Variants in PEPD observed in about 807,000 individuals in gnomAD.
The protein encoded by PEPD is peptidase D, also known as xaa-Pro dipeptidase.
Under a neutral mutation model 60.7 loss-of-function variants are expected in PEPD, and 53 were observed. The observed-to-expected ratio is 0.87, with a 90% CI of 0.70 to 1.10. PEPD has a LOEUF of 1.10. Ranked by LOEUF, PEPD falls within the 50% of genes least tolerant of loss-of-function variation. The pLI is 0.00. For synonymous variants in PEPD, 267 were observed against 284.1 expected (o/e 0.94, Z 0.60); for missense variants, 711 against 711.9 (o/e 1.00, Z 0.01).
chr19:33,409,113 A>G (rs1404885107), intron 11 of PEPD, among the ~76,000 whole-genome samples: 1 of 152,268 alleles, frequency 6.6e-6, no homozygotes, highest in African/African-American at 2.4e-5. Flanking sequence ...GGCCGAGGCC[A>G]CAGCATCTGG....
chr19:33,462,597 C>A (rs924225329), intron 9 of PEPD, among the ~76,000 whole-genome samples: 18 of 152,224 alleles, frequency 1.2e-4, no homozygotes, highest in African/African-American at 4.3e-4. Flanking sequence ...GGCCATTTAA[C>A]CATCCCTCAA....
chr19:33,411,117 A>G (rs539531185), intron 11 of PEPD, among the ~76,000 whole-genome samples: 7 of 152,276 alleles, frequency 4.6e-5, no homozygotes, highest in East Asian at 3.9e-4. Flanking sequence ...CGTGGCTTCT[A>G]TGAAGAACTG....
chr19:33,397,565 T>G (rs1968394228), intron 12 of PEPD, among the ~76,000 whole-genome samples: 2 of 150,400 alleles, frequency 1.3e-5, no homozygotes, highest in African/African-American at 2.4e-5. Context: ...ACTCTGCCCT[T>G]GGGGGACACC....
intron 9 of PEPD, among the ~76,000 whole-genome samples, chr19:33,453,317 A>AAAATAAAAAAATAAAT (rs1555762506): frequency 4.0e-5 from 6 of 148,754 alleles, no homozygotes; most frequent in East Asian, 3.9e-4. Context: ...CTGTCATAAA[A>AAAATAAAAAAATAAAT]AAATAAATAA....
At chr19:33,391,529 C>T in intron 12 of PEPD, 50 bp from the exon 13 acceptor site, 1 of 1,489,598 alleles carries the variant, frequency 6.7e-7, no homozygotes, top group South Asian at 1.2e-5. Flanking sequence ...GCAGCCAACA[C>T]CGCAGGGCCA....
At chr19:33,442,266 G>A (rs1350408941) in intron 9 of PEPD, among the ~76,000 whole-genome samples, 2 of 152,154 alleles carry the variant, frequency 1.3e-5, no homozygotes, top group African/African-American at 2.4e-5. Context: ...CGGGCATGGT[G>A]GAGGGTGGGG....
At chr19:33,423,367 C>T (rs889001815) in intron 9 of PEPD, among the ~76,000 whole-genome samples, 31 of 152,234 alleles carry the variant, frequency 2.0e-4, no homozygotes, top group African/African-American at 7.2e-4. Context: ...CACGCATGGC[C>T]TTGTGCCTCT....
chr19:33,428,132 C>A (rs1446493821), intron 9 of PEPD, among the ~76,000 whole-genome samples: 1 of 152,180 alleles, frequency 6.6e-6, no homozygotes, highest in Admixed American at 6.5e-5. Context: ...TGACTTTACT[C>A]GCCAGCCTGC....
chr19:33,457,355 C>A (rs367869840), intron 9 of PEPD, among the ~76,000 whole-genome samples: 6 of 152,094 alleles, frequency 3.9e-5, no homozygotes, highest in African/African-American at 1.4e-4. Flanking sequence ...CACTTGAGCC[C>A]GGGAGGCAGA....
At chr19:33,477,212 CCTT>C (rs774376730) in intron 7 of PEPD, 1 of 152,666 alleles carries the variant, frequency 6.6e-6, no homozygotes, top group Non-Finnish European at 1.5e-5. Flanking sequence ...CTCTCCTACT[CCTT>C]CTTTTTCCAC....
intron 9 of PEPD, among the ~76,000 whole-genome samples, chr19:33,420,235 CTTATGTT>C (rs1968984285): frequency 6.6e-6 from 1 of 151,986 alleles, no homozygotes; most frequent in Admixed American, 6.6e-5. Context: ...CTGTAATATA[CTTATGTT>C]TTATATGTAC....
chr19:33,448,312 G>A lies in PEPD; in HGVS notation c.671+14683C>T, dbSNP rs114449381. On this transcript the variant is annotated intron_variant, in intron 9 of 14. Transcript: ENST00000244137. ...AGATGCGCCCAGGACTTGGAGCCAC[G>A]CCTTCTCACGGGCAGAACCAGACAG... Among the ~76,000 whole-genome samples, 466 of 152,212 alleles carry A rather than the reference G, an allele frequency of 3.1e-3. 2 individuals are homozygous for A. The highest frequency in any genetic ancestry group is 0.011 in the African/African-American group (445 of 41,544).
intron 9 of PEPD, among the ~76,000 whole-genome samples, chr19:33,442,595 G>C (rs1326174455): frequency 1.3e-5 from 2 of 151,450 alleles, no homozygotes; most frequent in Non-Finnish European, 2.9e-5. Flanking sequence ...TGTAGTCCCA[G>C]CTACTCGGGA....
chr19:33,514,472 C>G (rs1191653642), intron 1 of PEPD, among the ~76,000 whole-genome samples: 2 of 151,960 alleles, frequency 1.3e-5, no homozygotes, highest in Non-Finnish European at 2.9e-5. Flanking sequence ...CCCGGCCTCC[C>G]TCTTTGAACC....
intron 4 of PEPD, among the ~76,000 whole-genome samples, chr19:33,494,383 A>T (rs904725485): frequency 1.3e-5 from 2 of 152,224 alleles, no homozygotes; most frequent in African/African-American, 4.8e-5. Flanking sequence ...AGACATTTTG[A>T]TAAGTTTTGA....
Position 33,400,002 on chromosome 19 carries a change from T to C in PEPD, c.967+1719A>G, listed in dbSNP as rs558126923. Reference sequence around the variant, plus strand: ...AGCTGGGGCTGGGCTCGGGGCACTCTGGGTCTGGGGCCTGCATCCTGGACT... The same window carrying C: ...AGCTGGGGCTGGGCTCGGGGCACTCCGGGTCTGGGGCCTGCATCCTGGACT... On this transcript the variant is annotated intron_variant, in intron 12 of 14. Transcript: ENST00000244137. Among the ~76,000 whole-genome samples the C allele has an allele frequency of 4.6e-5, 7 of 152,268 alleles. 1 individual carries two copies. The highest frequency in any genetic ancestry group is 1.7e-4 in the African/African-American group (7 of 41,566).
intron 4 of PEPD, among the ~76,000 whole-genome samples, chr19:33,498,318 TACGAAG>T (rs1313014918): frequency 6.6e-6 from 1 of 152,186 alleles, no homozygotes; most frequent in Non-Finnish European, 1.5e-5. Context: ...CTGCTTTGTA[TACGAAG>T]ACGAAGAATG....
chr19:33,453,317 A>AAAAAAAATAAATAAATAAAT (rs1555762504), intron 9 of PEPD, among the ~76,000 whole-genome samples: 25 of 148,754 alleles, frequency 1.7e-4, no homozygotes, highest in South Asian at 4.2e-4. Flanking sequence ...CTGTCATAAA[A>AAAAAAAATAAATAAATAAAT]AAATAAATAA....
At chr19:33,389,943 G>A (rs900003208) in intron 13 of PEPD, among the ~76,000 whole-genome samples, 1 of 152,244 alleles carries the variant, frequency 6.6e-6, no homozygotes, top group Admixed American at 6.5e-5. Flanking sequence ...GCCATGTGGG[G>A]AGGGCACGAG....
Sources: gnomAD v4.1 joint callset for allele counts (sites outside exome capture counted in the v4.1 genomes callset) on GRCh38, gnomAD v4.1.1 for gene constraint, MANE v1.5 for transcripts, NCBI Gene and HGNC (gene_info 2026-07-23, HGNC 2026-07-21) for gene names.